The following SLC12A2 variants were observed in gnomAD, a reference collection of about 807,000 sequenced individuals.
SLC12A2 encodes solute carrier family 12 member 2.
Under a neutral mutation model 136.3 loss-of-function variants are expected in SLC12A2, and 67 were observed. That is an observed-to-expected ratio of 0.49 (90% confidence interval 0.40 to 0.60). The LOEUF (loss-of-function observed/expected upper bound fraction) is 0.60, where lower values mean the gene tolerates loss of function less well. Ranked by LOEUF, SLC12A2 falls within the 20% of genes least tolerant of loss-of-function variation. The pLI, the probability that SLC12A2 is intolerant of heterozygous loss-of-function variation, is 0.00. For missense variants in SLC12A2, 1,322 were observed against 1,534.7 expected, an observed-to-expected ratio of 0.86 and a Z score of 2.32; for synonymous variants, 619 against 562.9, an observed-to-expected ratio of 1.10 and a Z score of -1.41.
At chr5:128,151,712 A>C (rs183274235) in intron 14 of SLC12A2, among the ~76,000 whole-genome samples, 1 of 152,248 alleles carries the variant, frequency 6.6e-6, no homozygotes, top group Non-Finnish European at 1.5e-5. Context: ...GTATATTTTT[A>C]AATTATTTTT....
chr5:128,147,499 GTTATTA>G (rs1166389553), intron 10 of SLC12A2, 117 bp from the exon 11 acceptor site: 9 of 603,400 alleles, frequency 1.5e-5, no homozygotes, highest in African/African-American at 1.1e-4. Context: ...TAGCGTTGTT[GTTATTA>G]TTATTATAAA....
chr5:128,122,948 A>G (rs910580915), intron 4 of SLC12A2, among the ~76,000 whole-genome samples: 1 of 152,096 alleles, frequency 6.6e-6, no homozygotes, highest in Non-Finnish European at 1.5e-5. Context: ...GAGGTTTATT[A>G]AATTTAACAT....
At chr5:128,096,325 A>T (rs1373799885) in intron 1 of SLC12A2, among the ~76,000 whole-genome samples, 1 of 152,118 alleles carries the variant, frequency 6.6e-6, no homozygotes, top group Non-Finnish European at 1.5e-5. Flanking sequence ...GATATCAGAC[A>T]TACAAGTACT....
chr5:128,132,360 G>A (rs1187601528), intron 5 of SLC12A2, among the ~76,000 whole-genome samples: 3 of 152,148 alleles, frequency 2.0e-5, no homozygotes, highest in African/African-American at 7.2e-5. Context: ...GATTGGATTT[G>A]ATAATTAATG....
In SLC12A2 at chr5:128,187,710, T is replaced by G. The variant is rs1763911502; in HGVS notation, c.*1079T>G. Reference sequence around the variant, plus strand: ...TTCAATTGTCAAGTACACTTAGTCTTAATACACTCAGGTTTGAACAGATTA... The same window carrying G: ...TTCAATTGTCAAGTACACTTAGTCTGAATACACTCAGGTTTGAACAGATTA... On this transcript the variant is annotated 3_prime_UTR_variant, in exon 27 of 27. Coordinates refer to ENST00000262461, the MANE Select transcript of SLC12A2 (RefSeq NM_001046.3). The G allele has an allele frequency of 6.6e-6, 1 of 152,592 alleles. No individual in the cohort carries two copies. The highest frequency in any genetic ancestry group is 2.1e-4 in the South Asian group (1 of 4,828). The allele number at this position is 152,592 out of a possible 1,614,324, so 9.5% of individuals were successfully genotyped here. A position where few individuals can be genotyped will look rare whatever the true frequency, so the allele number is the denominator to read the frequency against.
intron 13 of SLC12A2, 56 bp downstream of exon 13, chr5:128,150,154 TA>T: frequency 8.7e-7 from 1 of 1,151,072 alleles, no homozygotes; most frequent in Non-Finnish European, 1.3e-6. Context: ...GCAAAGAAAA[TA>T]AAACTTTTGC....
In SLC12A2 at chr5:128,165,494, A is replaced by C. The variant is rs537085999; in HGVS notation, c.2617-2267A>C. On this transcript the variant is annotated intron_variant, in intron 17 of 26. Transcript: ENST00000262461. Reference sequence around the variant, plus strand: ...TAAATAGATTTCAATTATGTAATCCATGAAGAACTCATTTCCGATCACTTA... The same window carrying C: ...TAAATAGATTTCAATTATGTAATCCCTGAAGAACTCATTTCCGATCACTTA... Among the ~76,000 whole-genome samples the C allele has an allele frequency of 1.5e-4, 23 of 152,346 alleles. No individual in the cohort carries two copies. In the East Asian group the frequency reaches 4.1e-3, roughly 27 times the overall value.
intron 3 of SLC12A2, 23 bp downstream of exon 3, chr5:128,114,310 T>TATTCTCAAATCAAGCAG: frequency 6.4e-7 from 1 of 1,571,368 alleles, no homozygotes; most frequent in Non-Finnish European, 8.7e-7. Context: ...ATATCCTGCT[T>TATTCTCAAATCAAGCAG]GATTTGAGAA....
chr5:128,121,087 T>C (rs936647406), intron 4 of SLC12A2, among the ~76,000 whole-genome samples: 1 of 152,188 alleles, frequency 6.6e-6, no homozygotes, highest in Non-Finnish European at 1.5e-5. Context: ...TTAATATTAC[T>C]AATTAATTTT....
chr5:128,163,393 G>A (rs1340308269), intron 17 of SLC12A2, among the ~76,000 whole-genome samples: 1 of 152,122 alleles, frequency 6.6e-6, no homozygotes, highest in Admixed American at 6.6e-5. Context: ...GTCAGTTGTG[G>A]TGGCACGCAC....
intron 4 of SLC12A2, among the ~76,000 whole-genome samples, chr5:128,115,286 G>A (rs772370920): frequency 1.1e-4 from 16 of 152,024 alleles, no homozygotes; most frequent in Admixed American, 1.3e-4. Context: ...CACCACGCCC[G>A]GCTAATTTTT....
At position 128,171,717 on chromosome 5, in the gene SLC12A2, G is replaced by C. The variant is rs745891820; in HGVS notation, c.2774G>C (p.Gly925Ala). The C allele has an allele frequency of 6.3e-7, 1 of 1,589,990 alleles. No homozygotes were observed. The highest frequency in any genetic ancestry group is 1.9e-5 in the Admixed American group (1 of 53,320). The change falls in exon 19 of 27, where the codon GGT (glycine) becomes GCT (alanine). Residue 925 changes from glycine (G) to alanine (A), a missense_variant. This residue lies in a region of SLC12A2 where 226 missense variants were observed against 210.4 expected (regional missense o/e 1.07). Transcript: ENST00000262461. ...YGVVVIRLKE[G>A]LDISHLQGQE... ...GTAGTGGTTATTCGCCTAAAAGAAG[G>C]TCTGGATATATCTCATCTTCAAGGA... is the stretch of plus-strand genomic sequence containing the variant.
intron 6 of SLC12A2, among the ~76,000 whole-genome samples, chr5:128,134,899 T>C (rs989344739): frequency 2.6e-5 from 4 of 152,136 alleles, no homozygotes; most frequent in African/African-American, 9.6e-5. Flanking sequence ...ATATATGATA[T>C]GATAATGTTT....
At chr5:128,159,739 C>T (rs1407408815) in intron 16 of SLC12A2, among the ~76,000 whole-genome samples, 15 of 152,286 alleles carry the variant, frequency 9.8e-5, no homozygotes, top group Middle Eastern at 3.4e-3. Flanking sequence ...TCAGGAACAA[C>T]AGATGCTGGC....
At position 128,189,009 on chromosome 5, in the gene SLC12A2, T is replaced by C. The variant is rs961758656; in HGVS notation, c.*2378T>C. 2.0e-5 allele frequency: 3 copies of C among 151,854 alleles called. No individual in the cohort carries two copies. Among genetic ancestry groups the C allele is most frequent in the Non-Finnish European group, 4.4e-5 (3 of 67,930 alleles). 9.4% of individuals were successfully genotyped at this position (151,854 alleles called of 1,614,324 possible). A position where few individuals can be genotyped will look rare whatever the true frequency, so the allele number is the denominator to read the frequency against. ...GGAACCAAATGTCATGCGTCATACA[T>C]GTGGGTATAAAGTACATAAAATATA... On this transcript the variant is annotated 3_prime_UTR_variant, in exon 27 of 27. Transcript: ENST00000262461.
intron 20 of SLC12A2, among the ~76,000 whole-genome samples, chr5:128,175,680 G>A (rs560945079): frequency 6.6e-6 from 1 of 151,934 alleles, no homozygotes; most frequent in East Asian, 1.9e-4. Context: ...TATATGTTAC[G>A]ATCTTATGAA....
chr5:128,104,862 G>A (rs1418969686), intron 1 of SLC12A2, among the ~76,000 whole-genome samples: 2 of 152,036 alleles, frequency 1.3e-5, no homozygotes, highest in African/African-American at 4.8e-5. Context: ...CTCCTCTGGA[G>A]CTATACAGTG....
chr5:128,115,751 T>C (rs1761323611), intron 4 of SLC12A2, among the ~76,000 whole-genome samples: 1 of 152,186 alleles, frequency 6.6e-6, no homozygotes, highest in African/African-American at 2.4e-5. Context: ...TTTTTGACAT[T>C]ATATAACACA....
Position 128,151,226 on chromosome 5 carries a change from A to G in SLC12A2, c.2108-15A>G, listed in dbSNP as rs1446990186. The G allele has an allele frequency of 1.9e-6, 3 of 1,594,290 alleles. No homozygotes were observed. Among genetic ancestry groups the G allele is most frequent in the Non-Finnish European group, 2.6e-6 (3 of 1,171,352 alleles). ...TGAGGTATTTGTGTGACTTTTATTT[A>G]TTTGTTATTGTTAGGATGGCGTCCT... is the stretch of plus-strand genomic sequence containing the variant. On this transcript the variant is annotated splice_polypyrimidine_tract_variant and intron_variant, in intron 13 of 26. Transcript: ENST00000262461.
Sources: gnomAD v4.1 joint callset for allele counts (sites outside exome capture counted in the v4.1 genomes callset) on GRCh38, gnomAD v4.1.1 for gene constraint, gnomAD v4.1.1 regional missense constraint, MANE v1.5 for transcripts, NCBI Gene and HGNC (gene_info 2026-07-23, HGNC 2026-07-21) for gene names.